Variants in PSG11 observed in about 807,000 individuals in gnomAD.
PSG11 encodes the protein pregnancy-specific beta-1-glycoprotein 11.
Under a neutral mutation model 36.0 loss-of-function variants are expected in PSG11, and 42 were observed. The ratio of observed to expected loss-of-function variants is 1.17; its 90% CI spans 0.91 to 1.51. PSG11 has a LOEUF of 1.51. Ranked by LOEUF, PSG11 falls within the 40% of genes most tolerant of loss-of-function variation. The pLI, the probability that PSG11 is intolerant of heterozygous loss-of-function variation, is 0.00. For missense variants in PSG11, 558 were observed against 403.5 expected (o/e 1.38, Z -3.28); for synonymous variants, 206 against 153.5 (o/e 1.34, Z -2.53).
intron 4 of PSG11, chr19:43,014,562 G>T (rs1162499518): frequency 4.0e-6 from 4 of 994,912 alleles, no homozygotes; most frequent in Non-Finnish European, 4.8e-6. Flanking sequence ...AGGCCACCAG[G>T]ACTCTTTCTC....
At chr19:43,023,136 CTTCAGAGTTACATGAGG>C (rs761801664) in intron 2 of PSG11, among the ~76,000 whole-genome samples, 65 of 150,596 alleles carry the variant, frequency 4.3e-4, no homozygotes, top group Non-Finnish European at 8.7e-4. Flanking sequence ...GGCCAAAGAG[CTTCAGAGTTACATGAGG>C]TGGGGTGGCT....
chr19:43,013,700 A>G (rs1247935532), intron 4 of PSG11, among the ~76,000 whole-genome samples: 2 of 151,470 alleles, frequency 1.3e-5, no homozygotes, highest in Non-Finnish European at 2.9e-5. Flanking sequence ...CAGCCACTGT[A>G]AAAATTGGTG....
intron 3 of PSG11, chr19:43,018,242 G>T: frequency 5.5e-6 from 1 of 180,428 alleles, no homozygotes; most frequent in Non-Finnish European, 1.2e-5. Flanking sequence ...CTGATTGCTG[G>T]AACTTCCCAC....
At chr19:43,010,240 A>C in intron 4 of PSG11, 199 bp from the exon 5 acceptor site, 5 of 1,453,518 alleles carry the variant, frequency 3.4e-6, no homozygotes, top group Non-Finnish European at 4.5e-6. Context: ...GTTGGTGATC[A>C]GTCCTCTGTC....
intron 4 of PSG11, among the ~76,000 whole-genome samples, chr19:43,013,447 A>G (rs1256132079): frequency 1.3e-5 from 2 of 151,454 alleles, no homozygotes; most frequent in African/African-American, 4.9e-5. Context: ...AAATGAACAA[A>G]GGATTAAAAT....
intron 3 of PSG11, chr19:43,015,837 T>C: frequency 1.2e-6 from 2 of 1,610,026 alleles, no homozygotes; most frequent in Non-Finnish European, 1.7e-6. Context: ...ATTGATAGGG[T>C]CCTGTTTCAT....
At chr19:43,022,631 C>T (rs1164524800) in intron 2 of PSG11, among the ~76,000 whole-genome samples, 2 of 151,266 alleles carry the variant, frequency 1.3e-5, no homozygotes, top group African/African-American at 4.9e-5. Flanking sequence ...TGCAGGAGGC[C>T]AGAAGAACTT....
At chr19:43,021,555 G>C (rs1195994855) in intron 2 of PSG11, among the ~76,000 whole-genome samples, 2 of 151,292 alleles carry the variant, frequency 1.3e-5, no homozygotes, top group East Asian at 3.9e-4. Context: ...CTTTAACCAT[G>C]TTAGCCAGGA....
At chr19:43,008,302 T>G (rs1201899194) in intron 5 of PSG11, among the ~76,000 whole-genome samples, 1 of 151,306 alleles carries the variant, frequency 6.6e-6, no homozygotes, top group East Asian at 1.9e-4. Context: ...AGATGGAGTC[T>G]CACTCTGTCA....
At chr19:43,008,859 A>G (rs1332902590) in intron 5 of PSG11, among the ~76,000 whole-genome samples, 1 of 151,200 alleles carries the variant, frequency 6.6e-6, no homozygotes, top group Admixed American at 6.6e-5. Context: ...ACCTATTGCA[A>G]CAAGAGTTCT....
At position 43,022,206 on chromosome 19, in the gene PSG11, G is replaced by A. The variant is rs574668700; in HGVS notation, c.430+2485C>T. Among the ~76,000 whole-genome samples, 35 of 151,386 alleles carry A rather than the reference G, an allele frequency of 2.3e-4. 1 individual carries two copies. Among genetic ancestry groups the A allele is most frequent in the Non-Finnish European group, 3.2e-4 (22 of 67,878 alleles). Reference sequence around the variant, plus strand: ...GACTGCTGCAATGTCATTTGGCAAGGGTTTACAAAATTTGTAACTAATTGC... The same window carrying A: ...GACTGCTGCAATGTCATTTGGCAAGAGTTTACAAAATTTGTAACTAATTGC... On this transcript the variant is annotated intron_variant, in intron 2 of 5. Coordinates refer to ENST00000320078, the MANE Select transcript of PSG11 (RefSeq NM_002785.3).
chr19:43,011,942 C>T (rs1017847842), intron 4 of PSG11, among the ~76,000 whole-genome samples: 1 of 149,570 alleles, frequency 6.7e-6, no homozygotes, highest in African/African-American at 2.5e-5. Flanking sequence ...CGATTACTAC[C>T]AATTATAATA....
Position 43,026,464 on chromosome 19 carries a change from CCTT to C in PSG11, c.-95_-93del, listed in dbSNP as rs1305865123. Reference sequence around the variant, plus strand: ...GGCTGTCAGCTGTGCTGTCCTTCCTCCTTCTGCGCTGAGACTCTTCCCGGTGGA... The same window carrying C: ...GGCTGTCAGCTGTGCTGTCCTTCCTCCTGCGCTGAGACTCTTCCCGGTGGA... On this transcript the variant is annotated 5_prime_UTR_variant, in exon 1 of 6. Transcript: ENST00000320078. 1.7e-5 allele frequency: 26 copies of C among 1,491,456 alleles called. 2 individuals are homozygous for C. Among genetic ancestry groups the C allele is most frequent in the Non-Finnish European group, 2.2e-5 (24 of 1,110,984 alleles). The allele number at this position is 1,491,456 out of a possible 1,614,324, so 92.4% of individuals were successfully genotyped here.
chr19:43,011,892 T>C (rs1974085666), intron 4 of PSG11, among the ~76,000 whole-genome samples: 1 of 143,180 alleles, frequency 7.0e-6, no homozygotes, highest in Non-Finnish European at 1.5e-5. Flanking sequence ...TGAGAGTCTG[T>C]CTCTCTCTCT....
In PSG11 at chr19:43,024,781, G is replaced by T. The variant is rs781157273; in HGVS notation, c.340C>A (p.Arg114=). The stretch of plus-strand genomic sequence containing the variant: ...AAGGTGTAGGATCCTGCGTCCTCCC[G>T]GGTGACATTCTGGATCAGCAGGGAT... The part of the protein sequence containing the change: ...NASLLIQNVT[R]EDAGSYTLHI... Residue 114 remains arginine (R), a synonymous_variant, in exon 2 of 6, where the codon CGG becomes AGG. Transcript: ENST00000320078. 1.2e-6 allele frequency: 2 copies of T among 1,611,804 alleles called. No individual in the cohort carries two copies. The highest frequency in any genetic ancestry group is 3.3e-5 in the Admixed American group (2 of 59,842).
At chr19:43,016,098 A>G in intron 3 of PSG11, 1 of 1,558,382 alleles carries the variant, frequency 6.4e-7, no homozygotes. Flanking sequence ...TGATTCCTCC[A>G]CAGGCATCCT....
chr19:43,011,894 T>A (rs1178595780), intron 4 of PSG11, among the ~76,000 whole-genome samples: 1 of 141,746 alleles, frequency 7.1e-6, no homozygotes. Flanking sequence ...AGAGTCTGTC[T>A]CTCTCTCTTA....
intron 3 of PSG11, among the ~76,000 whole-genome samples, chr19:43,017,026 T>C (rs1196387693): frequency 2.0e-5 from 3 of 151,372 alleles, no homozygotes; most frequent in Non-Finnish European, 4.4e-5. Flanking sequence ...TCGACTACTC[T>C]AGGGACCTCA....
rs924799084 is a variant in PSG11, at chr19:43,017,491, T to C, written c.709+1279A>G. The C allele has an allele frequency of 9.9e-5, 15 of 151,454 alleles. 1 individual carries two copies. The highest frequency in any genetic ancestry group is 3.7e-4 in the African/African-American group (15 of 41,030). The allele number at this position is 151,454 out of a possible 1,614,324, so 9.4% of individuals were successfully genotyped here. On this transcript the variant is annotated intron_variant, in intron 3 of 5. Transcript: ENST00000320078. ...CTGCACTCATATATATTTGAAGGCT[T>C]TGGGATGTGAGAAAGGCTGATTGCT...
Sources: gnomAD v4.1 joint callset for allele counts (sites outside exome capture counted in the v4.1 genomes callset) on GRCh38, gnomAD v4.1.1 for gene constraint, MANE v1.5 for transcripts, NCBI Gene and HGNC (gene_info 2026-07-23, HGNC 2026-07-21) for gene names.